The following TRAF3IP2 variants were observed in gnomAD, a reference collection of about 807,000 sequenced individuals.
TRAF3IP2 encodes TRAF3 interacting protein 2.
TRAF3IP2 carries 35 observed loss-of-function variants against 57.9 expected under a neutral mutation model. That is an observed-to-expected ratio of 0.60 (90% CI 0.46 to 0.80). TRAF3IP2 has a LOEUF of 0.80. Among genes scored for constraint, TRAF3IP2 ranks in the 30% least tolerant of loss-of-function variants. The pLI is 0.00. For synonymous variants in TRAF3IP2, 251 were observed against 268.9 expected (o/e 0.93, Z 0.65); for missense variants, 556 against 706.4 (o/e 0.79, Z 2.41).
chr6:111,584,964 C>T (rs578055195), intron 2 of TRAF3IP2, among the ~76,000 whole-genome samples: 104 of 152,324 alleles, frequency 6.8e-4, no homozygotes, highest in African/African-American at 2.3e-3. Context: ...ACACCATTCT[C>T]TCCTTGCTCA....
intron 6 of TRAF3IP2, 68 bp downstream of exon 6, chr6:111,567,556 A>T (rs1795692591): frequency 6.6e-7 from 1 of 1,519,574 alleles, no homozygotes; most frequent in African/African-American, 1.4e-5. Context: ...TTTCTTTAAT[A>T]AAACAACTTC....
At position 111,575,773 on chromosome 6, in the gene TRAF3IP2, C is replaced by T. The variant is rs762591912; in HGVS notation, c.1071G>A (p.Glu357=). 2.5e-6 allele frequency: 4 copies of T among 1,610,548 alleles called. No homozygotes were observed. The highest frequency in any genetic ancestry group is 3.4e-6 in the Non-Finnish European group (4 of 1,178,888). Residue 357 remains glutamate (E), a synonymous_variant, in exon 4 of 9, where the codon GAG becomes GAA. Transcript: ENST00000368761. ...TCAGCTCTGCAGGGCACTCCAAGGA[C>T]TCCCCAGGAGCACCAGCTCTATTAG... ...QPPNRAGAPG[E]SLECPAELRP...
rs556897983 is a variant in TRAF3IP2, at chr6:111,605,375, G to T, written c.-9+401C>A. On this transcript the variant is annotated intron_variant, in intron 1 of 8. Coordinates refer to ENST00000368761, the MANE Select transcript of TRAF3IP2 (RefSeq NM_147686.4). The stretch of plus-strand genomic sequence containing the variant: ...AAAACTGCCACTGACGTGTTCTGGG[G>T]CTGAAAGCCAATTACTTAATCTTTG... 2.6e-5 allele frequency among the ~76,000 whole-genome samples: 4 copies of T among 152,348 alleles called. No individual in the cohort carries two copies. The South Asian group carries it at 8.3e-4, about 32-fold the overall frequency.
intron 1 of TRAF3IP2, among the ~76,000 whole-genome samples, chr6:111,596,227 A>G (rs1348043002): frequency 1.3e-5 from 2 of 152,152 alleles, no homozygotes; most frequent in Non-Finnish European, 2.9e-5. Context: ...ATATCTAATA[A>G]TCTCTTATTT....
At chr6:111,590,479 T>G (rs1413179205) in intron 2 of TRAF3IP2, among the ~76,000 whole-genome samples, 1 of 152,154 alleles carries the variant, frequency 6.6e-6, no homozygotes, top group Non-Finnish European at 1.5e-5. Flanking sequence ...ATACTAAAAC[T>G]TATTGAATTT....
chr6:111,580,985 C>G (rs1040383), intron 2 of TRAF3IP2, among the ~76,000 whole-genome samples: 51,478 of 152,126 alleles, frequency 0.34, 9,545 homozygotes, highest in African/African-American at 0.49. Flanking sequence ...TCTCCTGCTA[C>G]AGCCTACGTG....
rs1343325872 is a variant in TRAF3IP2 at position 111,557,618 on chromosome 6, G to A, written c.*1787C>T. On this transcript the variant is annotated 3_prime_UTR_variant, in exon 9 of 9. Coordinates refer to ENST00000368761, the MANE Select transcript of TRAF3IP2 (RefSeq NM_147686.4). ...CTATTTTTTTTGTATTTTTAGTAGA[G>A]ATGGAGTTTCACCGTGTTAGCCAGG... 1.3e-5 allele frequency: 2 copies of A among 151,720 alleles called. No individual in the cohort carries two copies. The allele number at this position is 151,720 out of a possible 1,614,324, so 9.4% of individuals were successfully genotyped here.
intron 7 of TRAF3IP2, among the ~76,000 whole-genome samples, chr6:111,564,920 G>A (rs1795578236): frequency 6.6e-6 from 1 of 152,166 alleles, no homozygotes; most frequent in South Asian, 2.1e-4. Context: ...TGGGTGCTCT[G>A]AGGCCATGCA....
rs767596361 is a variant in TRAF3IP2 at position 111,575,643 on chromosome 6, G to C, written c.1201C>G (p.Arg401Gly). 1.2e-6 allele frequency: 2 copies of C among 1,605,466 alleles called. No individual in the cohort carries two copies. Residue 401 changes from arginine (R) to glycine (G), a missense_variant and splice_region_variant, in exon 4 of 9, where the codon CGG becomes GGG. Physicochemically the swap from Arg to Gly is moderately radical, Grantham distance 125 (BLOSUM62 -2). This residue lies in a region of TRAF3IP2 where 428 missense variants were observed against 498.7 expected (regional missense o/e 0.86). Transcript: ENST00000368761. Reference sequence around the variant, plus strand: ...GAGAACAATGTTGCAAACAACTTACGCAATTCTTCTGGCAAATTGCTTGTT... The same window carrying C: ...GAGAACAATGTTGCAAACAACTTACCCAATTCTTCTGGCAAATTGCTTGTT... ...LKTSNLPEEL[R>G]KVFITYSMDT...
intron 3 of TRAF3IP2, 73 bp from the exon 4 acceptor site, chr6:111,575,894 A>T: frequency 7.0e-7 from 1 of 1,437,696 alleles, no homozygotes; most frequent in South Asian, 1.2e-5. Flanking sequence ...AAAGACTTTT[A>T]GAACTATGGG....
intron 1 of TRAF3IP2, among the ~76,000 whole-genome samples, chr6:111,596,611 G>A (rs1053109900): frequency 5.3e-5 from 8 of 152,264 alleles, no homozygotes; most frequent in African/African-American, 1.7e-4. Context: ...GCGCCACTGC[G>A]TCTGGCTAAT....
intron 1 of TRAF3IP2, chr6:111,601,529 A>G (rs995005211): frequency 3.9e-6 from 1 of 254,222 alleles, no homozygotes; most frequent in East Asian, 6.9e-5. Context: ...GAAGACAAAT[A>G]GCACAGCAAG....
chr6:111,594,513 G>A (rs1175063192), intron 1 of TRAF3IP2: 3 of 453,950 alleles, frequency 6.6e-6, no homozygotes, highest in African/African-American at 4.0e-5. Flanking sequence ...TCTTCTAGCT[G>A]AGGAGCCATC....
intron 2 of TRAF3IP2, among the ~76,000 whole-genome samples, chr6:111,582,724 AC>A (rs1193729271): frequency 5.9e-5 from 9 of 151,920 alleles, no homozygotes; most frequent in Admixed American, 5.9e-4. Context: ...GCATGAGCAG[AC>A]CCTTTACAAA....
rs112518943 is a variant in TRAF3IP2, at chr6:111,604,225, AT to A, written c.-9+1550del. On this transcript the variant is annotated intron_variant, in intron 1 of 8. Transcript: ENST00000368761. ...TAATTGCCAAAAAGAAACAATGACAATTTTTTTTTAAGTCACGGTCTGGAAA... is the reference window on the plus strand; with the variant it reads ...TAATTGCCAAAAAGAAACAATGACAATTTTTTTTAAGTCACGGTCTGGAAA... 1.3e-4 allele frequency among the ~76,000 whole-genome samples: 19 copies of A among 151,910 alleles called. No homozygotes were observed. The East Asian group carries it at 2.5e-3, about 20-fold the overall frequency.
intron 6 of TRAF3IP2, 48 bp downstream of exon 6, chr6:111,567,576 T>G: frequency 6.4e-7 from 1 of 1,567,440 alleles, no homozygotes. Context: ...CATAAGCTCA[T>G]TGTCTTTCTC....
chr6:111,570,934 C>T (rs1795809750), intron 5 of TRAF3IP2, among the ~76,000 whole-genome samples: 1 of 151,564 alleles, frequency 6.6e-6, no homozygotes, highest in African/African-American at 2.4e-5. Context: ...CAGAGTCTTG[C>T]TCTGTTGCCC....
In TRAF3IP2 at chr6:111,591,709, A is replaced by G; in HGVS notation, c.378T>C (p.Pro126=). ...CCATAAATGAAAACTGATGCTCTGC[A>G]GGGAGGGCTCCAACCACAGACTCAG... The part of the protein sequence containing the change: ...PASESVVGAL[P]AEHQFSFMEK... Residue 126 remains proline, a synonymous_variant, in exon 2 of 9, where the codon CCT becomes CCC. Coordinates refer to ENST00000368761, the MANE Select transcript of TRAF3IP2 (RefSeq NM_147686.4). The surrounding 1 kb of genome is among the most constrained non-coding windows in gnomAD (Gnocchi z 4.9). The G allele has an allele frequency of 6.2e-7, 1 of 1,614,248 alleles. No individual in the cohort carries two copies. Among genetic ancestry groups the G allele is most frequent in the Non-Finnish European group, 8.5e-7 (1 of 1,180,038 alleles).
At position 111,591,757 on chromosome 6, in the gene TRAF3IP2, G is replaced by A; in HGVS notation, c.330C>T (p.Cys110=). ...PGLGKAFPSG[C]SAVSEPASES... is the part of the protein sequence containing the mutation. Reference sequence around the variant, plus strand: ...CAGACGCAGGCTCGCTGACTGCAGAGCACCCAGAAGGGAAAGCTTTGCCCA... The same window carrying A: ...CAGACGCAGGCTCGCTGACTGCAGAACACCCAGAAGGGAAAGCTTTGCCCA... The change falls in exon 2 of 9, where the codon TGC becomes TGT. Residue 110 remains cysteine (C), a synonymous_variant. Coordinates refer to ENST00000368761, the MANE Select transcript of TRAF3IP2 (RefSeq NM_147686.4). This position sits in a 1 kb window ranked among gnomAD's most constrained non-coding sequence, Gnocchi z 4.9. The A allele has an allele frequency of 6.2e-7, 1 of 1,614,226 alleles. No homozygotes were observed. The highest frequency in any genetic ancestry group is 8.5e-7 in the Non-Finnish European group (1 of 1,180,026).
Sources: allele counts gnomAD v4.1 joint callset (sites outside exome capture counted in the v4.1 genomes callset), GRCh38; gene constraint gnomAD v4.1.1; regional missense constraint gnomAD v4.1.1; non-coding constraint Gnocchi (gnomAD v3.1); transcripts MANE v1.5; gene names NCBI Gene and HGNC (gene_info 2026-07-23, HGNC 2026-07-21).